The following CMIP variants were observed in gnomAD, a reference collection of about 807,000 sequenced individuals.
CMIP encodes c-Maf inducing protein, also known as C-Maf-inducing protein.
Under a neutral mutation model 97.3 loss-of-function variants are expected in CMIP, and 13 were observed. That is an observed-to-expected ratio of 0.13 (90% CI 0.09 to 0.21). CMIP has a LOEUF of 0.21. Ranked by LOEUF, CMIP falls within the 10% of genes least tolerant of loss-of-function variation. The pLI, the probability that CMIP is intolerant of heterozygous loss-of-function variation, is 1.00. For synonymous variants in CMIP, 538 were observed against 436.3 expected (o/e 1.23, Z -2.91); for missense variants, 847 against 1,024.9 (o/e 0.83, Z 2.37).
intron 1 of CMIP, among the ~76,000 whole-genome samples, chr16:81,575,365 A>G (rs576250357): frequency 1.4e-4 from 22 of 152,196 alleles, no homozygotes; most frequent in African/African-American, 5.3e-4. Context: ...TCCCCACACC[A>G]TCAGTGGAGA....
intron 1 of CMIP, among the ~76,000 whole-genome samples, chr16:81,563,603 A>T (rs1471166289): frequency 6.6e-6 from 1 of 152,188 alleles, no homozygotes; most frequent in Non-Finnish European, 1.5e-5. Context: ...ACTGGTGTGG[A>T]CTGAGCAAGG....
chr16:81,706,165 G>C (rs554194614), intron 19 of CMIP, among the ~76,000 whole-genome samples: 1 of 152,350 alleles, frequency 6.6e-6, no homozygotes, highest in South Asian at 2.1e-4. Context: ...CTAGCCTCAG[G>C]GATATTGAGC....
chr16:81,452,382 A>C (rs935796000), intron 1 of CMIP, among the ~76,000 whole-genome samples: 3 of 152,162 alleles, frequency 2.0e-5, no homozygotes, highest in Non-Finnish European at 4.4e-5. Flanking sequence ...CGGTGCTTTC[A>C]TGCCTCCATT....
At chr16:81,599,671 T>C (rs2091624456) in intron 1 of CMIP, among the ~76,000 whole-genome samples, 1 of 152,152 alleles carries the variant, frequency 6.6e-6, no homozygotes. Context: ...GGGATGGAAG[T>C]TGCTGTCTTG....
At chr16:81,663,347 A>C (rs889330832) in intron 6 of CMIP, among the ~76,000 whole-genome samples, 1 of 152,138 alleles carries the variant, frequency 6.6e-6, no homozygotes, top group Non-Finnish European at 1.5e-5. Flanking sequence ...GGGGAGCTTT[A>C]AATGCATATT....
At chr16:81,649,252 T>C (rs1434974753) in intron 3 of CMIP, among the ~76,000 whole-genome samples, 1 of 152,244 alleles carries the variant, frequency 6.6e-6, no homozygotes, top group Non-Finnish European at 1.5e-5. Context: ...GACTCTCCCA[T>C]GGATGCCTGT....
At chr16:81,499,011 A>G (rs976597135) in intron 1 of CMIP, among the ~76,000 whole-genome samples, 3 of 152,170 alleles carry the variant, frequency 2.0e-5, no homozygotes, top group Non-Finnish European at 4.4e-5. Context: ...TAATCCCCCT[A>G]TCAACACTAG....
intron 1 of CMIP, among the ~76,000 whole-genome samples, chr16:81,461,528 C>T (rs760799192): frequency 6.6e-6 from 1 of 152,198 alleles, no homozygotes; most frequent in Non-Finnish European, 1.5e-5. Flanking sequence ...TGGCATGCAA[C>T]GGGGACCCTA....
intron 3 of CMIP, among the ~76,000 whole-genome samples, chr16:81,648,381 A>C (rs1300643038): frequency 6.6e-6 from 1 of 152,012 alleles, no homozygotes; most frequent in Non-Finnish European, 1.5e-5. Context: ...CCCCCTCAGC[A>C]TCGCGTGAGG....
intron 3 of CMIP, among the ~76,000 whole-genome samples, chr16:81,634,499 CCT>C (rs1193993870): frequency 1.3e-5 from 2 of 152,236 alleles, no homozygotes; most frequent in South Asian, 2.1e-4. Flanking sequence ...GCCAGAATCC[CCT>C]CTGTTTGTGC....
rs1488188833 is a variant in CMIP, at chr16:81,696,746, C to A, written c.1638+79C>A. 2.2e-6 allele frequency: 3 copies of A among 1,359,276 alleles called. No homozygotes were observed. In the African/African-American group the frequency reaches 4.3e-5, roughly 19 times the overall value. The allele number at this position is 1,359,276 out of a possible 1,614,324, so 84.2% of individuals were successfully genotyped here. A position where few individuals can be genotyped will look rare whatever the true frequency, so the allele number is the denominator to read the frequency against. ...GCCTGACTAGTAAAACAGCCGTCCC[C>A]CATCCCCTGGGGCCAGCCCCGGAGT... On this transcript the variant is annotated intron_variant, in intron 14 of 20. Transcript: ENST00000537098.
intron 1 of CMIP, among the ~76,000 whole-genome samples, chr16:81,567,300 A>G (rs984546559): frequency 2.0e-5 from 3 of 152,246 alleles, no homozygotes; most frequent in African/African-American, 4.8e-5. Flanking sequence ...TCCTAGAAGC[A>G]TGTCATGCAG....
chr16:81,485,501 G>T (rs1479330945), intron 1 of CMIP, among the ~76,000 whole-genome samples: 1 of 152,212 alleles, frequency 6.6e-6, no homozygotes, highest in Non-Finnish European at 1.5e-5. Flanking sequence ...CACTCCCCAG[G>T]TGATTCTACA....
intron 1 of CMIP, among the ~76,000 whole-genome samples, chr16:81,459,487 A>C (rs562599610): frequency 2.9e-4 from 44 of 152,326 alleles, no homozygotes; most frequent in African/African-American, 9.9e-4. Context: ...CCCAAGCAAG[A>C]TGGAAACCCG....
intron 13 of CMIP, among the ~76,000 whole-genome samples, chr16:81,695,246 C>G (rs939779962): frequency 6.6e-6 from 1 of 152,246 alleles, no homozygotes; most frequent in African/African-American, 2.4e-5. Context: ...TTCCTCCTCA[C>G]TCTTCTTTCT....
chr16:81,526,578 A>G (rs1176569678), intron 1 of CMIP, among the ~76,000 whole-genome samples: 1 of 152,200 alleles, frequency 6.6e-6, no homozygotes, highest in Non-Finnish European at 1.5e-5. Flanking sequence ...TTTAAGGGAT[A>G]TTTTGATAGC....
chr16:81,691,861 C>T (rs574342048), intron 11 of CMIP, 21 bp downstream of exon 11: 33 of 1,605,240 alleles, frequency 2.1e-5, no homozygotes, highest in Middle Eastern at 3.3e-4. Context: ...TGTGCATCCC[C>T]GGAGCCCTCC....
intron 1 of CMIP, among the ~76,000 whole-genome samples, chr16:81,511,556 C>T (rs1285816629): frequency 1.3e-5 from 2 of 152,082 alleles, no homozygotes; most frequent in Non-Finnish European, 2.9e-5. Context: ...TCCTGCATAC[C>T]TTGTGAATTC....
chr16:81,705,463 G>A, intron 18 of CMIP, 36 bp from the exon 19 acceptor site: 5 of 1,454,110 alleles, frequency 3.4e-6, no homozygotes, highest in Non-Finnish European at 4.7e-6. Flanking sequence ...CCCCAGGAGT[G>A]GCCGGGAGAG....
Sources: gnomAD v4.1 joint callset for allele counts (sites outside exome capture counted in the v4.1 genomes callset) on GRCh38, gnomAD v4.1.1 for gene constraint, MANE v1.5 for transcripts, NCBI Gene and HGNC (gene_info 2026-07-23, HGNC 2026-07-21) for gene names.